TXNDC11: variants seen among roughly 807,000 people sequenced by gnomAD.
TXNDC11 encodes the protein thioredoxin domain-containing protein 11.
A neutral mutation model predicts 78.0 loss-of-function variants in TXNDC11; 68 were observed. The observed-to-expected ratio is 0.87, with a 90% confidence interval of 0.72 to 1.07. The LOEUF is 1.07. Among genes scored for constraint, TXNDC11 ranks in the 50% least tolerant of loss-of-function variants. The pLI is 0.00. For missense variants in TXNDC11, 1,389 were observed against 1,221.8 expected (o/e 1.14, Z -2.04); for synonymous variants, 571 against 495.2 (o/e 1.15, Z -2.03).
intron 7 of TXNDC11, among the ~76,000 whole-genome samples, chr16:11,692,585 T>A (rs528412580): frequency 6.6e-6 from 1 of 152,206 alleles, no homozygotes; most frequent in African/African-American, 2.4e-5. Flanking sequence ...CTTCTACCCA[T>A]GAAATTGTGA....
At chr16:11,687,496 T>A (rs895576464) in intron 10 of TXNDC11, among the ~76,000 whole-genome samples, 1 of 152,218 alleles carries the variant, frequency 6.6e-6, no homozygotes, top group African/African-American at 2.4e-5. Flanking sequence ...CCAGGGCTGG[T>A]GGAGAGATCT....
intron 5 of TXNDC11, among the ~76,000 whole-genome samples, chr16:11,717,144 G>A (rs2051548778): frequency 6.6e-6 from 1 of 150,722 alleles, no homozygotes; most frequent in African/African-American, 2.4e-5. Flanking sequence ...CTAACCAGAA[G>A]GCCAGGCGCA....
rs1419316575 is a variant in TXNDC11, at chr16:11,691,934, G to A, written c.1256C>T (p.Thr419Ile). 2 of 1,612,524 alleles carry A rather than the reference G, an allele frequency of 1.2e-6. No individual in the cohort carries two copies. The highest frequency in any genetic ancestry group is 1.7e-4 in the Middle Eastern group (1 of 6,056). ...PAQLPDPPTI[T>I]ASPCCNTVVL... ...CACAGTGTTGCAGCAGGGGGACGCT[G>A]TGATCGTTGGCGGGTCTGGCAGCTG... The change falls in exon 8 of 12, where the codon ACA (threonine) becomes ATA (isoleucine). Residue 419 changes from threonine to isoleucine, a missense_variant. By Grantham distance (89) the Thr-to-Ile change is moderately conservative (BLOSUM62 -1). Coordinates refer to ENST00000283033, the MANE Select transcript of TXNDC11 (RefSeq NM_015914.7).
intron 11 of TXNDC11, among the ~76,000 whole-genome samples, chr16:11,683,466 A>G (rs2141962243): frequency 6.6e-6 from 1 of 152,326 alleles, no homozygotes; most frequent in South Asian, 2.1e-4. Context: ...TGGGAGGCCA[A>G]CTGAGAGACA....
intron 1 of TXNDC11, among the ~76,000 whole-genome samples, chr16:11,741,197 C>G (rs2141134764): frequency 6.6e-6 from 1 of 152,296 alleles, no homozygotes; most frequent in Admixed American, 6.5e-5. Context: ...GATCTTTTGA[C>G]ACCTCTTTGA....
intron 7 of TXNDC11, chr16:11,692,292 A>C (rs187025686): frequency 1.0e-4 from 49 of 489,788 alleles, no homozygotes; most frequent in African/African-American, 9.1e-4. Flanking sequence ...CATTACAAAA[A>C]CTGCGAGCCA....
At chr16:11,710,089 G>A (rs1287843789) in intron 5 of TXNDC11, among the ~76,000 whole-genome samples, 1 of 152,072 alleles carries the variant, frequency 6.6e-6, no homozygotes, top group Non-Finnish European at 1.5e-5. Context: ...ACTGCAGCGA[G>A]CCAAGATCAC....
chr16:11,717,434 G>GAAAAAAA (rs58884197), intron 5 of TXNDC11, among the ~76,000 whole-genome samples: 46 of 62,250 alleles, frequency 7.4e-4, no homozygotes, highest in Non-Finnish European at 9.3e-4. Context: ...GACTCCAAAT[G>GAAAAAAA]AAAAAAAAAA....
chr16:11,694,097 C>CTT lies in TXNDC11; in HGVS notation c.1108-2017_1108-2016dup, dbSNP rs535913245. Among the ~76,000 whole-genome samples, 507 of 85,642 alleles carry CTT rather than the reference C, an allele frequency of 5.9e-3. 140 individuals carry two copies. Among genetic ancestry groups the CTT allele is most frequent in the African/African-American group, 0.023 (463 of 20,460 alleles). The allele number at this position is 85,642 out of a possible 152,430, so 56.2% of individuals were successfully genotyped here. On this transcript the variant is annotated intron_variant, in intron 7 of 11. Transcript: ENST00000283033. ...AGAAAGTATTCTGTCTACAGCAATG[C>CTT]TTTTTTTTTTTTTTTTTTTTTTTTT...
chr16:11,682,403 G>A (rs2050445452), intron 11 of TXNDC11, among the ~76,000 whole-genome samples: 1 of 152,258 alleles, frequency 6.6e-6, no homozygotes, highest in African/African-American at 2.4e-5. Flanking sequence ...CCTGCAGCAA[G>A]TGCCCAGCAT....
In TXNDC11 at chr16:11,679,926, C is replaced by A; in HGVS notation, c.2235-89G>T. ...GCTGTACCTGAGGCCAGGCCATCTA[C>A]TTCTCACCAAGAAAAGACGTTCCGT... On this transcript the variant is annotated intron_variant, in intron 11 of 11. Transcript: ENST00000283033. This position sits in a 1 kb window ranked among gnomAD's most constrained non-coding sequence, Gnocchi z 4.6. 8.7e-7 allele frequency: 1 copy of A among 1,149,470 alleles called. No individual in the cohort carries two copies. Among genetic ancestry groups the A allele is most frequent in the Admixed American group, 2.4e-5 (1 of 41,750 alleles). The allele number at this position is 1,149,470 out of a possible 1,614,324, so 71.2% of individuals were successfully genotyped here.
At chr16:11,738,297 C>T (rs1426976817) in intron 1 of TXNDC11, among the ~76,000 whole-genome samples, 1 of 152,204 alleles carries the variant, frequency 6.6e-6, no homozygotes, top group South Asian at 2.1e-4. Context: ...AACCTTCAAT[C>T]AGAGAGCTTT....
At chr16:11,689,473 G>A (rs1314351022) in intron 8 of TXNDC11, among the ~76,000 whole-genome samples, 2 of 152,160 alleles carry the variant, frequency 1.3e-5, no homozygotes, top group African/African-American at 4.8e-5. Flanking sequence ...AACTAGCCTA[G>A]AGACAGCTGA....
chr16:11,739,064 T>C (rs549591714), intron 1 of TXNDC11, among the ~76,000 whole-genome samples: 25 of 151,974 alleles, frequency 1.6e-4, no homozygotes, highest in Non-Finnish European at 3.2e-4. Flanking sequence ...CATCAAATAA[T>C]GCAATCTGAG....
intron 5 of TXNDC11, among the ~76,000 whole-genome samples, chr16:11,716,594 G>A (rs966336256): frequency 6.6e-6 from 1 of 152,130 alleles, no homozygotes; most frequent in African/African-American, 2.4e-5. Context: ...TGAGAGATAT[G>A]TAAGACCTAC....
At chr16:11,689,883 C>CAG (rs2050663482) in intron 8 of TXNDC11, 1 of 152,148 alleles carries the variant, frequency 6.6e-6, no homozygotes, top group South Asian at 2.1e-4. Flanking sequence ...ATAATATCGA[C>CAG]AGATTTATGC....
At chr16:11,739,818 T>C (rs2052338598) in intron 1 of TXNDC11, among the ~76,000 whole-genome samples, 2 of 152,096 alleles carry the variant, frequency 1.3e-5, no homozygotes, top group African/African-American at 4.8e-5. Context: ...ATTAGCTGGT[T>C]TGAATTCAGC....
At position 11,679,408 on chromosome 16, in the gene TXNDC11, A is replaced by C. The variant is rs1243077910; in HGVS notation, c.2664T>G (p.Leu888=). Residue 888 remains leucine, a synonymous_variant, in exon 12 of 12, where the codon CTT becomes CTG. Transcript: ENST00000283033. The surrounding 1 kb of genome is among the most constrained non-coding windows in gnomAD (Gnocchi z 4.6). The part of the protein sequence containing the change: ...QELADASENL[L]TENTWLKILV... Reference sequence around the variant, plus strand: ...GGATCTTGAGCCACGTGTTCTCGGTAAGGAGGTTTTCTGAGGCATCGGCCA... The same window carrying C: ...GGATCTTGAGCCACGTGTTCTCGGTCAGGAGGTTTTCTGAGGCATCGGCCA... The C allele has an allele frequency of 1.2e-6, 2 of 1,612,956 alleles. No homozygotes were observed.
chr16:11,720,642 C>G (rs1178863234), intron 5 of TXNDC11, among the ~76,000 whole-genome samples: 1 of 151,974 alleles, frequency 6.6e-6, no homozygotes, highest in Non-Finnish European at 1.5e-5. Context: ...TTCTCGAACT[C>G]CTGACCTCAG....
Sources: allele counts gnomAD v4.1 joint callset (sites outside exome capture counted in the v4.1 genomes callset), GRCh38; gene constraint gnomAD v4.1.1; non-coding constraint Gnocchi (gnomAD v3.1); transcripts MANE v1.5; gene names NCBI Gene and HGNC (gene_info 2026-07-23, HGNC 2026-07-21).